The following SPAST variants were observed in gnomAD, a reference collection of about 807,000 sequenced individuals.
The protein encoded by SPAST is spastic paraplegia 4 (autosomal dominant; spastin).
Under a neutral mutation model 76.6 loss-of-function variants are expected in SPAST, and 30 were observed. The ratio of observed to expected loss-of-function variants is 0.39; its 90% confidence interval spans 0.29 to 0.53. The LOEUF is 0.53. SPAST is among the 20% of genes least tolerant of loss of function. The pLI is 0.68. For missense variants in SPAST, 717 were observed against 770.5 expected (o/e 0.93, Z 0.82); for synonymous variants, 305 against 281.0 (o/e 1.09, Z -0.86).
chr2:32,069,595 C>T (rs1179460297), intron 1 of SPAST, among the ~76,000 whole-genome samples: 1 of 145,756 alleles, frequency 6.9e-6, no homozygotes, highest in African/African-American at 2.6e-5. Flanking sequence ...CTTGCTCTGT[C>T]ACCCAGGCTG....
At chr2:32,080,783 CTTTTTTTTTTTTTTTTTT>C (rs1162817708) in intron 1 of SPAST, among the ~76,000 whole-genome samples, 1 of 48,430 alleles carries the variant, frequency 2.1e-5, no homozygotes, top group Non-Finnish European at 3.9e-5. Flanking sequence ...TGGCTCAGTT[CTTTTTTTTTTTTTTTTTT>C]TTTTTTTTTT....
chr2:32,111,297 CGT>C (rs1232361851), intron 4 of SPAST, among the ~76,000 whole-genome samples: 1 of 91,600 alleles, frequency 1.1e-5, no homozygotes, highest in African/African-American at 3.8e-5. Context: ...GTGTGTATAG[CGT>C]ATATATACAG....
chr2:32,143,259 C>G, intron 13 of SPAST, 77 bp from the exon 14 acceptor site: 2 of 873,146 alleles, frequency 2.3e-6, no homozygotes, highest in African/African-American at 1.7e-5. Flanking sequence ...AGCACAAGAC[C>G]CTGTCTCAAT....
intron 4 of SPAST, among the ~76,000 whole-genome samples, chr2:32,108,129 A>G (rs1384563685): frequency 6.6e-6 from 1 of 152,202 alleles, no homozygotes; most frequent in Non-Finnish European, 1.5e-5. Context: ...AGCTATTATA[A>G]TATGTTTAAA....
Position 32,087,426 on chromosome 2 carries a change from C to G in SPAST, c.416-66C>G, listed in dbSNP as rs420731. The G allele has an allele frequency of 1.3e-5, 12 of 959,362 alleles. No individual in the cohort carries two copies. The African/African-American group carries it at 1.3e-4, about 10-fold the overall frequency. 59.4% of individuals were successfully genotyped at this position (959,362 alleles called of 1,614,324 possible). ...CTGTTTTTTATGTATTACCTCTCAA[C>G]AGCATGATTTGCAATATTTAGTGTA... On this transcript the variant is annotated intron_variant, in intron 1 of 16. Transcript: ENST00000315285.
chr2:32,132,030 C>A (rs1679386561), intron 9 of SPAST, among the ~76,000 whole-genome samples: 1 of 152,156 alleles, frequency 6.6e-6, no homozygotes, highest in Non-Finnish European at 1.5e-5. Flanking sequence ...TCAGAAACAA[C>A]ATAGCATTCA....
chr2:32,064,994 C>T (rs1171958124), intron 1 of SPAST, among the ~76,000 whole-genome samples: 2 of 151,892 alleles, frequency 1.3e-5, no homozygotes, highest in Admixed American at 6.6e-5. Flanking sequence ...AGCAAGGATA[C>T]TACATCTTTC....
chr2:32,095,256 C>T (rs527459294), intron 3 of SPAST, among the ~76,000 whole-genome samples: 1 of 152,170 alleles, frequency 6.6e-6, no homozygotes, highest in African/African-American at 2.4e-5. Flanking sequence ...TCTCATAATA[C>T]AGTAGGAGAA....
intron 1 of SPAST, among the ~76,000 whole-genome samples, chr2:32,082,050 G>A (rs1677254882): frequency 1.6e-5 from 2 of 126,084 alleles, no homozygotes; most frequent in South Asian, 2.6e-4. Flanking sequence ...TCTCTCAGTG[G>A]TGCGACCTCC....
intron 4 of SPAST, among the ~76,000 whole-genome samples, chr2:32,100,353 T>C (rs1012825882): frequency 6.6e-6 from 1 of 150,976 alleles, no homozygotes; most frequent in Non-Finnish European, 1.5e-5. Flanking sequence ...TAGTTTCATG[T>C]GCAGGGCTCA....
intron 11 of SPAST, 35 bp downstream of exon 11, chr2:32,137,003 C>A: frequency 6.7e-7 from 1 of 1,489,442 alleles, no homozygotes; most frequent in Non-Finnish European, 9.2e-7. Flanking sequence ...AATGTGGCAG[C>A]ATTTTAGTAT....
chr2:32,130,526 C>T (rs1222336499), intron 9 of SPAST: 1 of 152,038 alleles, frequency 6.6e-6, no homozygotes, highest in African/African-American at 2.4e-5. Context: ...CAAAACCAGC[C>T]TGGCCAACAT....
At chr2:32,071,409 A>G (rs1418578172) in intron 1 of SPAST, among the ~76,000 whole-genome samples, 1 of 152,202 alleles carries the variant, frequency 6.6e-6, no homozygotes, top group Non-Finnish European at 1.5e-5. Flanking sequence ...TAAGCTGTGT[A>G]TATGTGCATG....
At chr2:32,073,229 C>A (rs1010234611) in intron 1 of SPAST, among the ~76,000 whole-genome samples, 1 of 152,110 alleles carries the variant, frequency 6.6e-6, no homozygotes, top group East Asian at 1.9e-4. Flanking sequence ...GATGGCGTTT[C>A]GCTGTGTTGG....
chr2:32,136,511 A>C, intron 9 of SPAST, 52 bp from the exon 10 acceptor site: 2 of 1,286,704 alleles, frequency 1.6e-6, no homozygotes, highest in Admixed American at 3.4e-5. Context: ...AATTTAAAAA[A>C]CTGGAATAAT....
intron 1 of SPAST, among the ~76,000 whole-genome samples, chr2:32,074,044 C>T (rs560232519): frequency 6.6e-6 from 1 of 152,230 alleles, no homozygotes; most frequent in South Asian, 2.1e-4. Context: ...AGGGAGAACA[C>T]ACATATGTAA....
intron 4 of SPAST, among the ~76,000 whole-genome samples, chr2:32,106,517 C>G (rs576187602): frequency 6.6e-6 from 1 of 152,348 alleles, no homozygotes; most frequent in Admixed American, 6.5e-5. Flanking sequence ...ATGCAGAAAT[C>G]AGCTGTCTTC....
chr2:32,128,491 G>A lies in SPAST; in HGVS notation c.1245+12G>A, dbSNP rs766012036. ...TAACTTCAAAATACGTGAGTGCTCT[G>A]TTTCCAATATTGTCGTATTTTAAGT... On this transcript the variant is annotated intron_variant, in intron 9 of 16. Coordinates refer to ENST00000315285, the MANE Select transcript of SPAST (RefSeq NM_014946.4). 2 of 1,548,922 alleles carry A rather than the reference G, an allele frequency of 1.3e-6. No homozygotes were observed. The highest frequency in any genetic ancestry group is 1.7e-4 in the Middle Eastern group (1 of 5,950).
At chr2:32,078,152 G>A (rs372062313) in intron 1 of SPAST, among the ~76,000 whole-genome samples, 8 of 151,732 alleles carry the variant, frequency 5.3e-5, no homozygotes, top group African/African-American at 1.7e-4. Context: ...CACTACGCCC[G>A]GCTAATTTTT....
Sources: allele counts gnomAD v4.1 joint callset (sites outside exome capture counted in the v4.1 genomes callset), GRCh38; gene constraint gnomAD v4.1.1; transcripts MANE v1.5; gene names NCBI Gene and HGNC (gene_info 2026-07-23, HGNC 2026-07-21).